Variants in SYTL2 observed in about 807,000 individuals in gnomAD.
SYTL2 encodes the protein synaptotagmin like 2.
Under a neutral mutation model 198.7 loss-of-function variants are expected in SYTL2, and 165 were observed. That is an observed-to-expected ratio of 0.83 (90% confidence interval 0.73 to 0.94). The LOEUF (loss-of-function observed/expected upper bound fraction) is 0.94, where lower values mean the gene tolerates loss of function less well. SYTL2 is among the 40% of genes least tolerant of loss of function. SYTL2 has a pLI of 0.00. For missense variants in SYTL2, 2,835 were observed against 2,582.8 expected, an observed-to-expected ratio of 1.10 and a Z score of -2.12; for synonymous variants, 966 against 917.7, an observed-to-expected ratio of 1.05 and a Z score of -0.95.
intron 1 of SYTL2, among the ~76,000 whole-genome samples, chr11:85,801,300 G>T (rs953046314): frequency 1.8e-4 from 27 of 151,994 alleles, no homozygotes; most frequent in Admixed American, 1.5e-3. Flanking sequence ...TTTTTTTCTG[G>T]ATTCAAGCTT....
chr11:85,703,338 C>T (rs1290402979), intron 16 of SYTL2, among the ~76,000 whole-genome samples: 3 of 152,092 alleles, frequency 2.0e-5, no homozygotes, highest in Admixed American at 6.5e-5. Context: ...CACCTAGGCT[C>T]ATTATAGTAC....
intron 7 of SYTL2, among the ~76,000 whole-genome samples, chr11:85,732,096 G>A (rs964204837): frequency 2.0e-5 from 3 of 152,276 alleles, no homozygotes; most frequent in South Asian, 2.1e-4. Context: ...GGAAACAACC[G>A]ATGCTGGAGA....
chr11:85,700,106 A>G (rs948545475), intron 17 of SYTL2, among the ~76,000 whole-genome samples: 1 of 152,232 alleles, frequency 6.6e-6, no homozygotes, highest in Non-Finnish European at 1.5e-5. Flanking sequence ...CTAAACTAAA[A>G]AAAAAAATGA....
intron 1 of SYTL2, among the ~76,000 whole-genome samples, chr11:85,801,230 A>G (rs1322894332): frequency 6.6e-6 from 1 of 151,980 alleles, no homozygotes; most frequent in Non-Finnish European, 1.5e-5. Flanking sequence ...TGCATTAGGT[A>G]TCTACTATCC....
intron 2 of SYTL2, among the ~76,000 whole-genome samples, chr11:85,752,952 C>CAAAAA (rs890345075): frequency 2.7e-5 from 1 of 37,576 alleles, no homozygotes; most frequent in African/African-American, 8.4e-5. Flanking sequence ...AAAAAAAAAA[C>CAAAAA]ACAACTAGGT....
intron 1 of SYTL2, among the ~76,000 whole-genome samples, chr11:85,785,960 A>G (rs1030383016): frequency 6.6e-5 from 10 of 152,236 alleles, no homozygotes; most frequent in African/African-American, 2.2e-4. Flanking sequence ...AGTCCTGTTC[A>G]TTCCAGCTTT....
At chr11:85,789,203 C>T (rs7945502) in intron 1 of SYTL2, among the ~76,000 whole-genome samples, 146,229 of 148,016 alleles carry the variant, frequency 0.99, 72,326 homozygotes, top group Non-Finnish European at 1. Context: ...CTCAAGCAAT[C>T]CTCCCATCTC....
At chr11:85,773,298 G>A (rs942007592) in intron 1 of SYTL2, among the ~76,000 whole-genome samples, 12 of 152,302 alleles carry the variant, frequency 7.9e-5, no homozygotes, top group South Asian at 2.1e-4. Context: ...TCTACACCCT[G>A]ACTTCCTTTC....
chr11:85,834,540 G>A, the SYTL2 span, among the ~76,000 whole-genome samples: 12 of 151,934 alleles, frequency 7.9e-5, no homozygotes, highest in Non-Finnish European at 1.3e-4. Context: ...ATAATTTTAT[G>A]ACTTTATGAT....
intron 1 of SYTL2, among the ~76,000 whole-genome samples, chr11:85,762,613 C>A (rs1431863825): frequency 6.6e-6 from 1 of 152,216 alleles, no homozygotes. Context: ...TCCAGCCATT[C>A]TGAAATTTTC....
chr11:85,822,214 C>T, the SYTL2 span, among the ~76,000 whole-genome samples: 1 of 152,158 alleles, frequency 6.6e-6, no homozygotes, highest in Non-Finnish European at 1.5e-5. Flanking sequence ...CTCTGTGAGT[C>T]TCAGGTGTAA....
At chr11:85,754,702 C>A (rs978562838) in intron 2 of SYTL2, among the ~76,000 whole-genome samples, 1 of 152,086 alleles carries the variant, frequency 6.6e-6, no homozygotes, top group African/African-American at 2.4e-5. Flanking sequence ...TATGATCATG[C>A]CCACTCTGAG....
At chr11:85,851,185 AAG>A in the SYTL2 span, among the ~76,000 whole-genome samples, 2 of 152,230 alleles carry the variant, frequency 1.3e-5, no homozygotes, top group Non-Finnish European at 2.9e-5. Flanking sequence ...ATAAAAAAAA[AAG>A]AGAATATTTT....
At position 85,794,056 on chromosome 11, in the gene SYTL2, G is replaced by C. The variant is rs550135633; in HGVS notation, c.-390+16898C>G. ...AGATTCAGTTTTTTTTTCTTGTAGA[G>C]ACAGGGTCTCACTATGCTGCCCAGG... On this transcript the variant is annotated intron_variant, in intron 1 of 19. Coordinates refer to ENST00000359152, the MANE Select transcript of SYTL2 (RefSeq NM_206927.4). Among the ~76,000 whole-genome samples the C allele has an allele frequency of 1.6e-4, 24 of 152,222 alleles. No homozygotes were observed. In the South Asian group the frequency reaches 2.3e-3, roughly 14 times the overall value.
At chr11:85,849,969 GTGGT>G in the SYTL2 span, among the ~76,000 whole-genome samples, 1 of 146,932 alleles carries the variant, frequency 6.8e-6, no homozygotes, top group East Asian at 1.9e-4. Context: ...TCGTTGAGCA[GTGGT>G]TTGTAGTTCT....
At chr11:85,771,110 G>A (rs1427355893) in intron 1 of SYTL2, among the ~76,000 whole-genome samples, 1 of 152,180 alleles carries the variant, frequency 6.6e-6, no homozygotes, top group Non-Finnish European at 1.5e-5. Context: ...GACTCTTTGA[G>A]GGAAGGATTT....
At chr11:85,719,894 C>T (rs2088026286) in intron 9 of SYTL2, among the ~76,000 whole-genome samples, 1 of 151,852 alleles carries the variant, frequency 6.6e-6, no homozygotes, top group Non-Finnish European at 1.5e-5. Context: ...ATATTCTAAA[C>T]ATAACAATGG....
chr11:85,755,975 A>G (rs754762922), intron 2 of SYTL2, among the ~76,000 whole-genome samples: 1 of 152,044 alleles, frequency 6.6e-6, no homozygotes, highest in African/African-American at 2.4e-5. Flanking sequence ...CCTTCCCCCA[A>G]TCTTTTCTTT....
Position 85,726,225 on chromosome 11 carries a change from CT to C in SYTL2, c.3132del (p.Val1045LeufsTer10), listed in dbSNP as rs762373103. On this transcript the variant is annotated frameshift_variant, in exon 8 of 20. Transcript: ENST00000359152. LOFTEE classifies it high-confidence loss of function. ...TTCTCCATTTCCTCTCTTGCCATAA[CT>C]TTTTTTGGGCTTAGAAGCACCTCTG... ...HEAEVLLSPK[K>X]VMAREEMEKL... 5 of 1,612,904 alleles carry C rather than the reference CT, an allele frequency of 3.1e-6. No individual in the cohort carries two copies. In the East Asian group the frequency reaches 8.9e-5, roughly 29 times the overall value.
Sources: allele counts gnomAD v4.1 joint callset (sites outside exome capture counted in the v4.1 genomes callset), GRCh38; gene constraint gnomAD v4.1.1; transcripts MANE v1.5; gene names NCBI Gene and HGNC (gene_info 2026-07-23, HGNC 2026-07-21).